Variants in JAM2 observed in about 807,000 individuals in gnomAD.
JAM2 encodes the protein junctional adhesion molecule B.
A neutral mutation model predicts 42.0 loss-of-function variants in JAM2; 17 were observed. The observed-to-expected ratio is 0.40, with a 90% CI of 0.28 to 0.61. The LOEUF is 0.61. JAM2 is among the 20% of genes least tolerant of loss of function. The probability of loss-of-function intolerance (pLI) is 0.37; values close to 1 mark genes in which losing one functional copy is unlikely to be tolerated. For missense variants in JAM2, 319 were observed against 358.3 expected (o/e 0.89, Z 0.89); for synonymous variants, 118 against 128.6 (o/e 0.92, Z 0.56).
intron 7 of JAM2, among the ~76,000 whole-genome samples, chr21:25,707,029 C>G (rs913829089): frequency 6.6e-6 from 1 of 152,082 alleles, no homozygotes; most frequent in Admixed American, 6.5e-5. Context: ...TGAGCCACCG[C>G]GCCCAGACAA....
chr21:25,676,623 C>T (rs925202337), intron 1 of JAM2, among the ~76,000 whole-genome samples: 1 of 152,172 alleles, frequency 6.6e-6, no homozygotes, highest in Non-Finnish European at 1.5e-5. Context: ...GCTTTTGGAA[C>T]ATGTTCATAA....
intron 1 of JAM2, among the ~76,000 whole-genome samples, chr21:25,668,753 A>G (rs975336815): frequency 6.6e-5 from 10 of 152,230 alleles, no homozygotes; most frequent in African/African-American, 2.4e-4. Flanking sequence ...AGAGTGTTTA[A>G]TGCCAGGAAT....
At chr21:25,674,732 G>A (rs1205050319) in intron 1 of JAM2, among the ~76,000 whole-genome samples, 1 of 150,762 alleles carries the variant, frequency 6.6e-6, no homozygotes, top group Non-Finnish European at 1.5e-5. Flanking sequence ...TCGAGAGACT[G>A]TAAAGACATG....
intron 1 of JAM2, among the ~76,000 whole-genome samples, chr21:25,678,828 G>A (rs2033560275): frequency 1.3e-5 from 2 of 152,222 alleles, no homozygotes; most frequent in East Asian, 3.9e-4. Flanking sequence ...TATATTTTGA[G>A]TCACTGTGTT....
In JAM2 at chr21:25,714,604, C is replaced by A. The variant is rs8134513; in HGVS notation, c.865-36C>A. On this transcript the variant is annotated intron_variant, in intron 9 of 9. Transcript: ENST00000480456. ...ATTTATGTTTCTTTAAATATGAATT[C>A]ATATATTTAAACCTGTTTTTTCTTT... 126,335 of 1,209,154 alleles carry A rather than the reference C, an allele frequency of 0.1. 8,268 individuals are homozygous for A. The highest frequency in any genetic ancestry group is 0.32 in the East Asian group (12,598 of 39,790). 74.9% of individuals were successfully genotyped at this position (1,209,154 alleles called of 1,614,324 possible).
At chr21:25,667,202 T>C (rs1461256167) in intron 1 of JAM2, among the ~76,000 whole-genome samples, 1 of 152,210 alleles carries the variant, frequency 6.6e-6, no homozygotes, top group African/African-American at 2.4e-5. Context: ...TCTGGTGTAT[T>C]CATGCTGTAG....
At chr21:25,676,070 T>C (rs1466862563) in intron 1 of JAM2, among the ~76,000 whole-genome samples, 2 of 151,928 alleles carry the variant, frequency 1.3e-5, no homozygotes, top group African/African-American at 4.8e-5. Flanking sequence ...GGCAGATCAC[T>C]TGAGGTCAGG....
chr21:25,702,936 T>A (rs1012711686), intron 6 of JAM2, among the ~76,000 whole-genome samples: 1 of 152,120 alleles, frequency 6.6e-6, no homozygotes, highest in Non-Finnish European at 1.5e-5. Flanking sequence ...CACTGCAACC[T>A]CTGCCTCCCA....
chr21:25,695,716 C>T (rs1424339886), intron 4 of JAM2, among the ~76,000 whole-genome samples: 5 of 150,798 alleles, frequency 3.3e-5, no homozygotes, highest in African/African-American at 9.8e-5. Context: ...CCAGATGGGG[C>T]GGCTGCCAGG....
chr21:25,675,206 C>T (rs2033455082), intron 1 of JAM2, among the ~76,000 whole-genome samples: 1 of 152,080 alleles, frequency 6.6e-6, no homozygotes, highest in Admixed American at 6.6e-5. Flanking sequence ...AGGTGCTACA[C>T]ACTTTTTGGC....
At chr21:25,646,182 A>G (rs901463293) in intron 1 of JAM2, among the ~76,000 whole-genome samples, 2 of 152,242 alleles carry the variant, frequency 1.3e-5, no homozygotes, top group African/African-American at 4.8e-5. Flanking sequence ...GGGACCACTG[A>G]TATGGTTCAT....
At chr21:25,705,236 T>C (rs1175667770) in intron 6 of JAM2, among the ~76,000 whole-genome samples, 1 of 149,282 alleles carries the variant, frequency 6.7e-6, no homozygotes, top group Non-Finnish European at 1.5e-5. Flanking sequence ...AACAATGACA[T>C]GTGCTTTTTT....
intron 1 of JAM2, among the ~76,000 whole-genome samples, chr21:25,642,957 G>A (rs941251722): frequency 6.6e-6 from 1 of 152,196 alleles, no homozygotes; most frequent in African/African-American, 2.4e-5. Flanking sequence ...GTTCATAGAT[G>A]GAGCCTTCTC....
At chr21:25,691,027 C>CAATG (rs2033869206) in intron 3 of JAM2, among the ~76,000 whole-genome samples, 2 of 152,222 alleles carry the variant, frequency 1.3e-5, no homozygotes, top group Admixed American at 1.3e-4. Context: ...TATAGCTGGT[C>CAATG]AATGATACAT....
At chr21:25,662,105 T>C (rs2033104105) in intron 1 of JAM2, among the ~76,000 whole-genome samples, 1 of 152,194 alleles carries the variant, frequency 6.6e-6, no homozygotes, top group Non-Finnish European at 1.5e-5. Flanking sequence ...TGTAACATTA[T>C]CAAAAATGTC....
intron 8 of JAM2, among the ~76,000 whole-genome samples, chr21:25,710,890 G>A (rs1375960627): frequency 6.6e-6 from 1 of 152,230 alleles, no homozygotes; most frequent in Non-Finnish European, 1.5e-5. Context: ...AAAGGTGGAA[G>A]CAGGGAGATC....
rs2034266206 is a variant in JAM2, at chr21:25,706,103, C to T, written c.805+17C>T. The T allele has an allele frequency of 6.8e-7, 1 of 1,464,096 alleles. No homozygotes were observed. Among genetic ancestry groups the T allele is most frequent in the Non-Finnish European group, 9.6e-7 (1 of 1,042,930 alleles). 90.7% of individuals were successfully genotyped at this position (1,464,096 alleles called of 1,614,324 possible). A position where few individuals can be genotyped will look rare whatever the true frequency, so the allele number is the denominator to read the frequency against. ...ACTTTTCAAGTAAGTGAATTTCACC[C>T]TTCTTTGGCAGATAACTTTCTATGG... On this transcript the variant is annotated intron_variant, in intron 7 of 9. Transcript: ENST00000480456.
chr21:25,676,009 C>T lies in JAM2; in HGVS notation c.68-7874C>T, dbSNP rs547336791. Among the ~76,000 whole-genome samples the T allele has an allele frequency of 7.9e-5, 12 of 152,066 alleles. No homozygotes were observed. The East Asian group carries it at 1.5e-3, about 20-fold the overall frequency. On this transcript the variant is annotated intron_variant, in intron 1 of 9. Transcript: ENST00000480456. ...TTAAAACAAACAAAAAACTTCAGGC[C>T]GGGTGCAGTGGCTCACGTCTGTAAT... is the stretch of plus-strand genomic sequence containing the variant.
intron 6 of JAM2, among the ~76,000 whole-genome samples, chr21:25,704,409 G>C (rs2034229678): frequency 6.6e-6 from 1 of 152,058 alleles, no homozygotes; most frequent in Non-Finnish European, 1.5e-5. Flanking sequence ...AGGTATTTAA[G>C]AAAATTAATA....
Sources: allele counts gnomAD v4.1 joint callset (sites outside exome capture counted in the v4.1 genomes callset), GRCh38; gene constraint gnomAD v4.1.1; transcripts MANE v1.5; gene names NCBI Gene and HGNC (gene_info 2026-07-23, HGNC 2026-07-21).